TMEM135: variants seen among roughly 807,000 people sequenced by gnomAD.
TMEM135 encodes the protein peroxisomal membrane protein 52.
In TMEM135, 30 loss-of-function variants were observed where a neutral mutation model predicts 60.3. The observed-to-expected ratio is 0.50, with a 90% CI of 0.37 to 0.68. The LOEUF (loss-of-function observed/expected upper bound fraction) is 0.68, where lower values mean the gene tolerates loss of function less well. Ranked by LOEUF, TMEM135 falls within the 30% of genes least tolerant of loss-of-function variation. TMEM135 has a pLI of 0.00. For synonymous variants in TMEM135, 190 were observed against 186.7 expected (o/e 1.02, Z -0.14); for missense variants, 468 against 548.8 (o/e 0.85, Z 1.47).
intron 6 of TMEM135, among the ~76,000 whole-genome samples, chr11:87,295,396 G>A (rs1269634251): frequency 6.6e-6 from 1 of 152,142 alleles, no homozygotes; most frequent in Non-Finnish European, 1.5e-5. Context: ...ACCTTGAATT[G>A]ATCTATATAT....
At chr11:87,269,150 T>A (rs1941810848) in intron 6 of TMEM135, among the ~76,000 whole-genome samples, 1 of 151,638 alleles carries the variant, frequency 6.6e-6, no homozygotes, top group African/African-American at 2.4e-5. Flanking sequence ...TATTATAGTC[T>A]TTTAATTAAT....
At chr11:87,130,256 C>T (rs372046923) in intron 4 of TMEM135, among the ~76,000 whole-genome samples, 1 of 151,826 alleles carries the variant, frequency 6.6e-6, no homozygotes, top group African/African-American at 2.4e-5. Flanking sequence ...TTTCCATCCC[C>T]TACTCTGCTG....
chr11:87,254,004 A>G (rs1941473800), intron 6 of TMEM135, among the ~76,000 whole-genome samples: 1 of 152,086 alleles, frequency 6.6e-6, no homozygotes, highest in Non-Finnish European at 1.5e-5. Context: ...TCAATAAAGC[A>G]TTTCTGTTTT....
chr11:87,061,334 G>C (rs1464303037), intron 1 of TMEM135, among the ~76,000 whole-genome samples: 1 of 152,146 alleles, frequency 6.6e-6, no homozygotes, highest in East Asian at 1.9e-4. Flanking sequence ...CATTTAGAAA[G>C]TAGAGGGCAG....
chr11:87,164,463 C>G (rs200896008), intron 5 of TMEM135, among the ~76,000 whole-genome samples: 7,749 of 65,796 alleles, frequency 0.12, 806 homozygotes, highest in East Asian at 0.43. Flanking sequence ...AGTTTGAAGT[C>G]AGGTAGTGTG....
chr11:87,046,022 T>TA (rs1949792564), intron 1 of TMEM135, among the ~76,000 whole-genome samples: 2 of 152,228 alleles, frequency 1.3e-5, no homozygotes, highest in African/African-American at 4.8e-5. Context: ...ATTAGGCACA[T>TA]ATACTCCTGT....
At chr11:87,267,871 T>C (rs1218154834) in intron 6 of TMEM135, among the ~76,000 whole-genome samples, 1 of 152,074 alleles carries the variant, frequency 6.6e-6, no homozygotes, top group African/African-American at 2.4e-5. Flanking sequence ...TTTGTATTTT[T>C]AGTAGAGACG....
intron 1 of TMEM135, among the ~76,000 whole-genome samples, chr11:87,041,283 AT>A (rs36088444): frequency 0.66 from 96,259 of 145,530 alleles, 32,458 homozygotes; most frequent in East Asian, 0.87. Context: ...TTCGGTTCTC[AT>A]TTTTTTTTTT....
At chr11:87,289,378 T>C (rs998800218) in intron 6 of TMEM135, among the ~76,000 whole-genome samples, 1 of 149,930 alleles carries the variant, frequency 6.7e-6, no homozygotes, top group African/African-American at 2.4e-5. Context: ...ATAGAACCAC[T>C]AGAACGTATT....
chr11:87,272,200 C>T (rs983318521), intron 6 of TMEM135, among the ~76,000 whole-genome samples: 1 of 151,174 alleles, frequency 6.6e-6, no homozygotes, highest in South Asian at 2.1e-4. Context: ...ATTACAGGCA[C>T]CCGCCACCAC....
At chr11:87,071,981 A>T (rs1856780577) in intron 3 of TMEM135, among the ~76,000 whole-genome samples, 1 of 152,022 alleles carries the variant, frequency 6.6e-6, no homozygotes, top group African/African-American at 2.4e-5. Context: ...GAGCCTTGGA[A>T]TTTGAGACCA....
intron 4 of TMEM135, among the ~76,000 whole-genome samples, chr11:87,149,432 G>C (rs1938497514): frequency 6.6e-6 from 1 of 152,116 alleles, no homozygotes; most frequent in Non-Finnish European, 1.5e-5. Context: ...AAGAGAAAAG[G>C]GGAAAATTTA....
intron 5 of TMEM135, among the ~76,000 whole-genome samples, chr11:87,223,916 G>T (rs535656239): frequency 5.9e-5 from 9 of 152,134 alleles, no homozygotes; most frequent in Non-Finnish European, 8.8e-5. Flanking sequence ...TCTGACTGAA[G>T]AAATGATAAC....
intron 5 of TMEM135, among the ~76,000 whole-genome samples, chr11:87,179,704 A>G (rs568774017): frequency 2.0e-5 from 3 of 152,250 alleles, no homozygotes; most frequent in East Asian, 1.9e-4. Context: ...TTGCTTTGGC[A>G]TCTTTGTTAA....
chr11:87,058,774 C>T (rs1278353523), intron 1 of TMEM135, among the ~76,000 whole-genome samples: 2 of 151,648 alleles, frequency 1.3e-5, no homozygotes, highest in Non-Finnish European at 2.9e-5. Context: ...CGCCCACCAC[C>T]ATGCCCGGCT....
chr11:87,224,719 C>T lies in TMEM135; in HGVS notation c.463-11919C>T, dbSNP rs144768658. 2.6e-3 allele frequency among the ~76,000 whole-genome samples: 399 copies of T among 150,714 alleles called. 1 individual carries two copies. The highest frequency in any genetic ancestry group is 4.8e-3 in the Non-Finnish European group (326 of 67,816). ...GTAACTTTGCCCTGAGTTCATATAGCACCTTTCTTCTCCTTCTCCGTATGC... is the reference window on the plus strand; with the variant it reads ...GTAACTTTGCCCTGAGTTCATATAGTACCTTTCTTCTCCTTCTCCGTATGC... On this transcript the variant is annotated intron_variant, in intron 5 of 14. Transcript: ENST00000305494.
chr11:87,146,319 GATCA>G (rs202144782), intron 4 of TMEM135, among the ~76,000 whole-genome samples: 55,807 of 151,924 alleles, frequency 0.37, 10,764 homozygotes, highest in East Asian at 0.67. Context: ...AGTTTTTTGA[GATCA>G]GCCTGAGGGA....
At chr11:87,318,857 A>G (rs1455065519) in intron 13 of TMEM135, among the ~76,000 whole-genome samples, 1 of 151,690 alleles carries the variant, frequency 6.6e-6, no homozygotes, top group Non-Finnish European at 1.5e-5. Flanking sequence ...ATTATTTCAA[A>G]AGTGACTTTT....
chr11:87,070,045 C>T (rs181459205), intron 2 of TMEM135, among the ~76,000 whole-genome samples: 35 of 151,938 alleles, frequency 2.3e-4, no homozygotes, highest in Non-Finnish European at 2.9e-4. Context: ...TGGTAGTGTG[C>T]CCGTAGTCCC....
Sources: gnomAD v4.1 joint callset for allele counts (sites outside exome capture counted in the v4.1 genomes callset) on GRCh38, gnomAD v4.1.1 for gene constraint, MANE v1.5 for transcripts, NCBI Gene and HGNC (gene_info 2026-07-23, HGNC 2026-07-21) for gene names.